ECM2: variants seen among roughly 807,000 people sequenced by gnomAD.
ECM2 encodes extracellular matrix protein 2, female organ and adipocyte specific.
A neutral mutation model predicts 67.5 loss-of-function variants in ECM2; 57 were observed. That is an observed-to-expected ratio of 0.84 (90% CI 0.68 to 1.05). The LOEUF (loss-of-function observed/expected upper bound fraction) is 1.05. ECM2 is among the 50% of genes least tolerant of loss of function. ECM2 has a pLI of 0.00. For synonymous variants in ECM2, 258 were observed against 294.5 expected (o/e 0.88, Z 1.27); for missense variants, 741 against 822.8 (o/e 0.90, Z 1.22).
chr9:92,498,453 A>T (rs944561089), intron 9 of ECM2, among the ~76,000 whole-genome samples: 16 of 151,906 alleles, frequency 1.1e-4, no homozygotes, highest in East Asian at 7.7e-4. Context: ...TAAAAAGAAA[A>T]TATATATATA....
chr9:92,534,951 C>A (rs1369444654), intron 1 of ECM2, among the ~76,000 whole-genome samples: 2 of 152,150 alleles, frequency 1.3e-5, no homozygotes, highest in Non-Finnish European at 2.9e-5. Flanking sequence ...TCTCAGGCAT[C>A]CTGCTGTCCT....
Position 92,496,233 on chromosome 9 carries a change from A to T in ECM2, c.*82T>A. The T allele has an allele frequency of 1.3e-6, 2 of 1,495,942 alleles. No individual in the cohort carries two copies. The highest frequency in any genetic ancestry group is 1.8e-6 in the Non-Finnish European group (2 of 1,134,288). The allele number at this position is 1,495,942 out of a possible 1,614,324, so 92.7% of individuals were successfully genotyped here. ...TAATGATACTGAGTATAACAGGAGGATTATGTCTCTCTTATTAATGACAAA... is the reference window on the plus strand; with the variant it reads ...TAATGATACTGAGTATAACAGGAGGTTTATGTCTCTCTTATTAATGACAAA... On this transcript the variant is annotated 3_prime_UTR_variant, in exon 10 of 10. Coordinates refer to ENST00000344604, the MANE Select transcript of ECM2 (RefSeq NM_001393.4).
At chr9:92,553,589 T>C in the ECM2 span, among the ~76,000 whole-genome samples, 1 of 152,128 alleles carries the variant, frequency 6.6e-6, no homozygotes, top group South Asian at 2.1e-4. Flanking sequence ...CTTTCAGCAG[T>C]GTTTTGTAGT....
At chr9:92,494,283 T>C (rs748139816), downstream of ECM2, 4 of 724,542 alleles carry the variant, frequency 5.5e-6, no homozygotes, top group Non-Finnish European at 8.7e-6. Flanking sequence ...GTTTACAGCT[T>C]AGATTGCCTT....
chr9:92,509,508 A>G (rs756845391), intron 6 of ECM2, among the ~76,000 whole-genome samples: 3 of 152,194 alleles, frequency 2.0e-5, no homozygotes, highest in Non-Finnish European at 4.4e-5. Context: ...AGGAGATCCA[A>G]TCAACAAACA....
chr9:92,522,485 T>TTCTCCCTC (rs1458518195), intron 2 of ECM2, 90 bp downstream of exon 2: 1 of 1,231,992 alleles, frequency 8.1e-7, no homozygotes, highest in African/African-American at 1.6e-5. Context: ...CATGGAGATG[T>TTCTCCCTC]TCTCCCTCTC....
chr9:92,502,804 C>CTTTT (rs34408968), intron 7 of ECM2, 152 bp from the exon 8 acceptor site: 34 of 296,386 alleles, frequency 1.1e-4, no homozygotes, highest in South Asian at 1.9e-4. Context: ...TTTAAGTTGT[C>CTTTT]TTTTTTTTTT....
At chr9:92,544,333 G>A in the ECM2 span, among the ~76,000 whole-genome samples, 74 of 152,282 alleles carry the variant, frequency 4.9e-4, 1 homozygote, top group South Asian at 0.015. Flanking sequence ...AAAATTAGCC[G>A]GGTGTGCTGG....
At chr9:92,518,915 A>G (rs562403424) in intron 2 of ECM2, among the ~76,000 whole-genome samples, 2 of 152,306 alleles carry the variant, frequency 1.3e-5, no homozygotes, top group Non-Finnish European at 2.9e-5. Context: ...AATAAAGTTC[A>G]TGATGCAGTG....
chr9:92,552,186 CAT>C, the ECM2 span, among the ~76,000 whole-genome samples: 61 of 106,646 alleles, frequency 5.7e-4, 1 homozygote, highest in Admixed American at 1.7e-3. Flanking sequence ...ATAGATCTAT[CAT>C]ATACACACAC....
At chr9:92,542,886 T>G in the ECM2 span, among the ~76,000 whole-genome samples, 1 of 152,238 alleles carries the variant, frequency 6.6e-6, no homozygotes, top group Non-Finnish European at 1.5e-5. Flanking sequence ...TGAGTTGATT[T>G]CTGTTTATGG....
At chr9:92,557,865 G>A in the ECM2 span, among the ~76,000 whole-genome samples, 30 of 151,964 alleles carry the variant, frequency 2.0e-4, no homozygotes, top group Non-Finnish European at 7.4e-5. Flanking sequence ...GGATGGTCTC[G>A]ATCTCCTGAC....
the ECM2 span, among the ~76,000 whole-genome samples, chr9:92,552,118 TATG>T: frequency 6.9e-5 from 10 of 145,644 alleles, no homozygotes; most frequent in South Asian, 4.3e-4. Flanking sequence ...ATATATGTGA[TATG>T]ATAGATCTAT....
chr9:92,530,736 A>T (rs1160539127), intron 1 of ECM2, among the ~76,000 whole-genome samples: 1 of 152,098 alleles, frequency 6.6e-6, no homozygotes, highest in Non-Finnish European at 1.5e-5. Context: ...GGAGGGTTGT[A>T]TGCAGGTTTG....
In ECM2 at chr9:92,505,768, G is replaced by A. The variant is rs1358672258; in HGVS notation, c.1307-78C>T. The A allele has an allele frequency of 3.3e-6, 4 of 1,199,358 alleles. No homozygotes were observed. The African/African-American group carries it at 4.7e-5, about 14-fold the overall frequency. The allele number at this position is 1,199,358 out of a possible 1,614,324, so 74.3% of individuals were successfully genotyped here. A position where few individuals can be genotyped will look rare whatever the true frequency, so the allele number is the denominator to read the frequency against. The stretch of plus-strand genomic sequence containing the variant: ...TTTTTGTAGCCTTTTGAAATGTCAT[G>A]TGAAATGGCCGGTTTATTTGGAGGG... On this transcript the variant is annotated intron_variant, in intron 6 of 9. Coordinates refer to ENST00000344604, the MANE Select transcript of ECM2 (RefSeq NM_001393.4).
the ECM2 span, among the ~76,000 whole-genome samples, chr9:92,542,777 G>A: frequency 2.8e-4 from 43 of 152,270 alleles, no homozygotes; most frequent in Non-Finnish European, 4.3e-4. Flanking sequence ...CTCCCAAAGC[G>A]CTGGGATTAC....
At chr9:92,503,403 G>C (rs73520599) in intron 7 of ECM2, among the ~76,000 whole-genome samples, 3,076 of 152,254 alleles carry the variant, frequency 0.02, 108 homozygotes, top group African/African-American at 0.07. Flanking sequence ...CGAGCCTCCA[G>C]CTCCCAGGCT....
rs571757522 is a variant in ECM2 at position 92,514,831 on chromosome 9, T to C, written c.854A>G (p.Asp285Gly). 4 of 1,611,928 alleles carry C rather than the reference T, an allele frequency of 2.5e-6. No homozygotes were observed. The highest frequency in any genetic ancestry group is 2.2e-5 in the East Asian group (1 of 44,846). Residue 285 changes from aspartate to glycine, a missense_variant, in exon 4 of 10, where the codon GAT becomes GGT. By Grantham distance (94) the Asp-to-Gly change is moderately conservative (BLOSUM62 -1). Coordinates refer to ENST00000344604, the MANE Select transcript of ECM2 (RefSeq NM_001393.4). ...TACCGGGTCCTCCTCGTCCTCCTCA[T>C]CCTCCTCACCCTCCTCACCCTCCTC... ...EEEEGEEGEE[D>G]EEDEEDPVRG...
At chr9:92,499,655 A>G (rs1189412099) in intron 9 of ECM2, among the ~76,000 whole-genome samples, 2 of 152,228 alleles carry the variant, frequency 1.3e-5, no homozygotes, top group Non-Finnish European at 2.9e-5. Flanking sequence ...TTGCCAAAAA[A>G]TTTTGAAACT....
Sources: allele counts gnomAD v4.1 joint callset (sites outside exome capture counted in the v4.1 genomes callset), GRCh38; gene constraint gnomAD v4.1.1; transcripts MANE v1.5; gene names NCBI Gene and HGNC (gene_info 2026-07-23, HGNC 2026-07-21).